Variants in SELENOO observed in about 807,000 individuals in gnomAD.
The protein encoded by SELENOO is selenoprotein O, also known as protein adenylyltransferase SelO, mitochondrial.
In SELENOO, 74 loss-of-function variants were observed where a neutral mutation model predicts 58.7. That is an observed-to-expected ratio of 1.26 (90% CI 1.04 to 1.53). The LOEUF (loss-of-function observed/expected upper bound fraction) is 1.53, where lower values mean the gene tolerates loss of function less well. SELENOO is among the 40% of genes most tolerant of loss of function. The pLI is 0.00. For synonymous variants in SELENOO, 543 were observed against 453.2 expected (o/e 1.20, Z -2.52); for missense variants, 1,149 against 970.0 (o/e 1.18, Z -2.45).
chr22:50,201,984 C>G (rs1230897933), intron 1 of SELENOO, among the ~76,000 whole-genome samples: 1 of 152,194 alleles, frequency 6.6e-6, no homozygotes. Flanking sequence ...GACTTCCCTG[C>G]GGGCAGCCCT....
intron 5 of SELENOO, among the ~76,000 whole-genome samples, chr22:50,211,537 A>G (rs151223323): frequency 6.6e-6 from 1 of 152,306 alleles, no homozygotes; most frequent in Non-Finnish European, 1.5e-5. Context: ...GGCTTTTACC[A>G]TGCTGAAGTT....
chr22:50,205,054 A>G (rs1366550922), intron 1 of SELENOO, among the ~76,000 whole-genome samples: 4 of 85,892 alleles, frequency 4.7e-5, no homozygotes, highest in Non-Finnish European at 9.4e-5. Flanking sequence ...CATAGAGACA[A>G]AGTAGAATGG....
intron 1 of SELENOO, among the ~76,000 whole-genome samples, chr22:50,203,107 C>T (rs1324250293): frequency 6.6e-6 from 1 of 152,216 alleles, no homozygotes; most frequent in Non-Finnish European, 1.5e-5. Context: ...GGTGCAGTGG[C>T]TCACTCCTGT....
Position 50,215,867 on chromosome 22 carries a change from G to T in SELENOO, c.1502G>T (p.Arg501Leu), listed in dbSNP as rs777867754. 6.2e-7 allele frequency: 1 copy of T among 1,603,836 alleles called. No homozygotes were observed. Residue 501 changes from arginine (R) to leucine (L), a missense_variant and splice_region_variant, in exon 6 of 9, where the codon CGG becomes CTG. Arg to Leu is a moderately radical substitution (Grantham distance 102). Coordinates refer to ENST00000380903, the MANE Select transcript of SELENOO (RefSeq NM_031454.2). ...RLAFRPQMDP[R>L]QLSMMLMLAQ... The stretch of plus-strand genomic sequence containing the variant: ...GCCTTCCGGCCCCAGATGGATCCCC[G>T]GTGGGTACTCAGTTCCTACTTCTTT...
chr22:50,213,739 C>T (rs993888765), intron 5 of SELENOO, among the ~76,000 whole-genome samples: 2 of 151,530 alleles, frequency 1.3e-5, no homozygotes, highest in Non-Finnish European at 2.9e-5. Flanking sequence ...GCTCCACCTC[C>T]CAGGTTCACG....
chr22:50,216,552 A>G, intron 6 of SELENOO, 139 bp from the exon 7 acceptor site: 2 of 778,606 alleles, frequency 2.6e-6, no homozygotes, highest in Non-Finnish European at 4.1e-6. Flanking sequence ...GTGGGGTTCC[A>G]GGGACCTCGG....
intron 5 of SELENOO, among the ~76,000 whole-genome samples, chr22:50,215,188 C>A (rs926105087): frequency 1.3e-5 from 2 of 152,158 alleles, no homozygotes. Context: ...CTTTTGCAGG[C>A]GGGTTACAGC....
At chr22:50,204,993 A>G (rs935085536) in intron 1 of SELENOO, among the ~76,000 whole-genome samples, 2 of 152,252 alleles carry the variant, frequency 1.3e-5, no homozygotes, top group African/African-American at 4.8e-5. Flanking sequence ...GGTCACAGAG[A>G]GACAAATCCT....
At chr22:50,202,096 C>T (rs879546981) in intron 1 of SELENOO, among the ~76,000 whole-genome samples, 1 of 152,208 alleles carries the variant, frequency 6.6e-6, no homozygotes, top group Non-Finnish European at 1.5e-5. Flanking sequence ...CCAGGCCCAC[C>T]GGGGAGCCGT....
In SELENOO at chr22:50,211,992, C is replaced by T. The variant is rs142742216; in HGVS notation, c.1351+1081C>T. On this transcript the variant is annotated intron_variant, in intron 5 of 8. Transcript: ENST00000380903. ...TACTGGGATTATAGGCGTGAGCCAC[C>T]GCACCCAGCCATATGCTGTATAATT... Among the ~76,000 whole-genome samples the T allele has an allele frequency of 4.2e-3, 635 of 152,344 alleles. 6 individuals are homozygous for T. The highest frequency in any genetic ancestry group is 0.026 in the South Asian group (124 of 4,828).
chr22:50,216,047 A>G (rs2064407737), intron 6 of SELENOO, among the ~76,000 whole-genome samples, 180 bp downstream of exon 6: 1 of 152,142 alleles, frequency 6.6e-6, no homozygotes, highest in Non-Finnish European at 1.5e-5. Flanking sequence ...CCGGTTGGTC[A>G]CAGAGTAGAG....
chr22:50,201,026 C>G lies in SELENOO; in HGVS notation c.-11C>G, dbSNP rs1452314498. The G allele has an allele frequency of 3.2e-6, 4 of 1,248,556 alleles. No individual in the cohort carries two copies. Among genetic ancestry groups the G allele is most frequent in the South Asian group, 5.8e-5 (2 of 34,782 alleles). 77.3% of individuals were successfully genotyped at this position (1,248,556 alleles called of 1,614,324 possible). On this transcript the variant is annotated 5_prime_UTR_variant, in exon 1 of 9. Transcript: ENST00000380903. ...GGGGCAGGCTGGCTTCCGGCGGGAG[C>G]GGGGCCGCGGATGGCCGTATACAGG... is the stretch of plus-strand genomic sequence containing the variant.
At chr22:50,215,500 T>C (rs1005142265) in intron 5 of SELENOO, among the ~76,000 whole-genome samples, 3 of 147,010 alleles carry the variant, frequency 2.0e-5, no homozygotes, top group Non-Finnish European at 4.5e-5. Flanking sequence ...GCACCTGTGC[T>C]GGGGGAGGGT....
chr22:50,217,460 G>C lies in SELENOO; in HGVS notation c.*91G>C. On this transcript the variant is annotated 3_prime_UTR_variant, in exon 9 of 9. Coordinates refer to ENST00000380903, the MANE Select transcript of SELENOO (RefSeq NM_031454.2). ...ATGATGCCAGGCTGCCCTATACACTGGGGGATTCTGCCCTGGCCCATGCAC... is the reference window on the plus strand; with the variant it reads ...ATGATGCCAGGCTGCCCTATACACTCGGGGATTCTGCCCTGGCCCATGCAC... 1 of 1,458,188 alleles carries C rather than the reference G, an allele frequency of 6.9e-7. No individual in the cohort carries two copies. The highest frequency in any genetic ancestry group is 1.2e-5 in the South Asian group (1 of 80,730). The allele number at this position is 1,458,188 out of a possible 1,614,324, so 90.3% of individuals were successfully genotyped here. A position where few individuals can be genotyped will look rare whatever the true frequency, so the allele number is the denominator to read the frequency against.
rs548507703 is a variant in SELENOO, at chr22:50,217,036, C to T, written c.1753C>T (p.Arg585Cys). ...DAAAWQAEHV[R>C]VMHANNPKYV... ...TGCCGCCTGGCAGGCTGAGCACGTG[C>T]GCGTGATGCACGCCAACAACCCGAA... The change falls in exon 8 of 9, where the codon CGC becomes TGC. Residue 585 changes from arginine (R) to cysteine (C), a missense_variant. Coordinates refer to ENST00000380903, the MANE Select transcript of SELENOO (RefSeq NM_031454.2). 135 of 1,612,208 alleles carry T rather than the reference C, an allele frequency of 8.4e-5. 2 individuals carry two copies. The South Asian group carries it at 1.2e-3, about 15-fold the overall frequency.
At position 50,216,847 on chromosome 22, in the gene SELENOO, C is replaced by T. The variant is rs1197507716; in HGVS notation, c.1659C>T (p.Gly553=). 12 of 1,608,256 alleles carry T rather than the reference C, an allele frequency of 7.5e-6. No homozygotes were observed. The highest frequency in any genetic ancestry group is 1.8e-4 in the Middle Eastern group (1 of 5,636). ...CAGAGCTGCAGAGCAGGAACCAGGG[C>T]CACTGGGCTGACTGGCTACAGGCGT... ...SAAELQSRNQ[G]HWADWLQAYR... The change falls in exon 7 of 9, where the codon GGC becomes GGT. Residue 553 remains glycine (G), a synonymous_variant. Transcript: ENST00000380903.
rs1297108436 is a variant in SELENOO at position 50,215,752 on chromosome 22, T to C, written c.1387T>C (p.Ser463Pro). 6.2e-7 allele frequency: 1 copy of C among 1,609,230 alleles called. No individual in the cohort carries two copies. Among genetic ancestry groups the C allele is most frequent in the Admixed American group, 1.7e-5 (1 of 59,836 alleles). ...DFTNTFYLLS[S>P]FPVELESPGL... ...CACAAACACCTTCTACTTGCTGAGCTCCTTCCCAGTGGAGCTAGAGTCGCC... is the reference window on the plus strand; with the variant it reads ...CACAAACACCTTCTACTTGCTGAGCCCCTTCCCAGTGGAGCTAGAGTCGCC... The change falls in exon 6 of 9, where the codon TCC (serine) becomes CCC (proline). Residue 463 changes from serine to proline, a missense_variant. By Grantham distance (74) the Ser-to-Pro change is moderately conservative. Coordinates refer to ENST00000380903, the MANE Select transcript of SELENOO (RefSeq NM_031454.2).
In SELENOO at chr22:50,206,385, A is replaced by C. The variant is rs2064332996; in HGVS notation, c.623A>C (p.His208Pro). The C allele has an allele frequency of 6.2e-7, 1 of 1,613,976 alleles. No homozygotes were observed. Among genetic ancestry groups the C allele is most frequent in the Non-Finnish European group, 8.5e-7 (1 of 1,180,018 alleles). The change falls in exon 2 of 9, where the codon CAC (histidine) becomes CCC (proline). Residue 208 changes from histidine (H) to proline (P), a missense_variant. Physicochemically the swap from His to Pro is moderately conservative, Grantham distance 77. Coordinates refer to ENST00000380903, the MANE Select transcript of SELENOO (RefSeq NM_031454.2). ...TTTCTATGCAGCGAAGCCATGTTCC[A>C]CCTGGGAGTCCCCACCACACGGGCC... The part of the protein sequence containing the change: ...REFLCSEAMF[H>P]LGVPTTRAGA...
chr22:50,208,378 C>A (rs1032241451), intron 2 of SELENOO, 158 bp from the exon 3 acceptor site: 48 of 601,080 alleles, frequency 8.0e-5, no homozygotes, highest in Non-Finnish European at 1.3e-4. Context: ...TGTGGTGAGG[C>A]GAGATCGCGC....
Sources: gnomAD v4.1 joint callset for allele counts (sites outside exome capture counted in the v4.1 genomes callset) on GRCh38, gnomAD v4.1.1 for gene constraint, MANE v1.5 for transcripts, NCBI Gene and HGNC (gene_info 2026-07-23, HGNC 2026-07-21) for gene names.